The following ITFG1 variants were observed in gnomAD, a reference collection of about 807,000 sequenced individuals.
The protein encoded by ITFG1 is integrin alpha FG-GAP repeat containing 1, also known as T-cell immunomodulatory protein.
In ITFG1, 34 loss-of-function variants were observed where a neutral mutation model predicts 81.8. The observed-to-expected ratio is 0.42, with a 90% confidence interval of 0.32 to 0.55. The LOEUF (loss-of-function observed/expected upper bound fraction) is 0.55. ITFG1 is among the 20% of genes least tolerant of loss of function. The pLI, the probability that ITFG1 is intolerant of heterozygous loss-of-function variation, is 0.17. For synonymous variants in ITFG1, 285 were observed against 270.6 expected (o/e 1.05, Z -0.52); for missense variants, 672 against 755.4 (o/e 0.89, Z 1.29).
intron 13 of ITFG1, 37 bp downstream of exon 13, chr16:47,237,928 T>A (rs1453174117): frequency 1.1e-6 from 1 of 907,668 alleles, no homozygotes; most frequent in Non-Finnish European, 1.7e-6. Flanking sequence ...CATAGAATTT[T>A]CATAGACATA....
intron 6 of ITFG1, among the ~76,000 whole-genome samples, chr16:47,406,561 A>C (rs1400317152): frequency 3.9e-5 from 6 of 152,238 alleles, no homozygotes; most frequent in Non-Finnish European, 8.8e-5. Flanking sequence ...GCTATTCAAC[A>C]GGTATCTGTC....
chr16:47,263,388 A>G, intron 10 of ITFG1: 1 of 476,368 alleles, frequency 2.1e-6, no homozygotes, highest in Non-Finnish European at 4.3e-6. Flanking sequence ...ACCTGCATAG[A>G]TGCCTACTCA....
At chr16:47,183,537 C>T (rs1484676034) in intron 14 of ITFG1, among the ~76,000 whole-genome samples, 4 of 152,204 alleles carry the variant, frequency 2.6e-5, no homozygotes, top group Admixed American at 6.5e-5. Flanking sequence ...ACTGACACCT[C>T]GCACGGCCGG....
chr16:47,380,304 C>T (rs1390366076), intron 6 of ITFG1, among the ~76,000 whole-genome samples: 1 of 152,202 alleles, frequency 6.6e-6, no homozygotes, highest in African/African-American at 2.4e-5. Context: ...AAGTAGCCCA[C>T]TCTTTGCTGT....
At chr16:47,181,231 C>G (rs1174512628) in intron 14 of ITFG1, among the ~76,000 whole-genome samples, 1 of 151,216 alleles carries the variant, frequency 6.6e-6, no homozygotes, top group Non-Finnish European at 1.5e-5. Flanking sequence ...GGCAGCCGCC[C>G]CGTCTGAGAA....
intron 8 of ITFG1, among the ~76,000 whole-genome samples, chr16:47,339,546 G>C (rs919188393): frequency 1.3e-5 from 2 of 152,122 alleles, no homozygotes; most frequent in East Asian, 3.8e-4. Context: ...GAACCAAACA[G>C]ATACTCTGGA....
At chr16:47,223,379 A>C (rs1164375197) in intron 13 of ITFG1, among the ~76,000 whole-genome samples, 1 of 152,244 alleles carries the variant, frequency 6.6e-6, no homozygotes, top group Non-Finnish European at 1.5e-5. Flanking sequence ...GAACTCAAAC[A>C]AATTTACAAG....
At chr16:47,431,832 C>T (rs1170691064) in intron 5 of ITFG1, among the ~76,000 whole-genome samples, 1 of 152,096 alleles carries the variant, frequency 6.6e-6, no homozygotes, top group Admixed American at 6.5e-5. Flanking sequence ...CAGAAGGTAA[C>T]ACTGGTAGTA....
chr16:47,336,100 A>G lies in ITFG1; in HGVS notation c.803-22277T>C, dbSNP rs545183973. On this transcript the variant is annotated intron_variant, in intron 8 of 17. Coordinates refer to ENST00000320640, the MANE Select transcript of ITFG1 (RefSeq NM_030790.5). ...TTAGATGCTAACAAGCCAGAAATAC[A>G]GTATGATTCCATTTACATAAAATGT... Among the ~76,000 whole-genome samples, 3 of 152,380 alleles carry G rather than the reference A, an allele frequency of 2.0e-5. No individual in the cohort carries two copies. In the South Asian group the frequency reaches 6.2e-4, roughly 32 times the overall value.
intron 5 of ITFG1, among the ~76,000 whole-genome samples, chr16:47,440,864 C>A (rs1346189918): frequency 6.6e-6 from 1 of 152,024 alleles, no homozygotes; most frequent in Non-Finnish European, 1.5e-5. Flanking sequence ...GACAGAGACA[C>A]AAAAAACCCT....
At chr16:47,339,112 T>C (rs1276530032) in intron 8 of ITFG1, among the ~76,000 whole-genome samples, 2 of 152,222 alleles carry the variant, frequency 1.3e-5, no homozygotes, top group Non-Finnish European at 2.9e-5. Context: ...CTTCCCTCCA[T>C]GTTGTTGCAA....
At chr16:47,313,856 G>A (rs978325116) in intron 8 of ITFG1, 33 bp from the exon 9 acceptor site, 1 of 1,266,930 alleles carries the variant, frequency 7.9e-7, no homozygotes, top group Non-Finnish European at 1.1e-6. Flanking sequence ...TCCATTAATA[G>A]TCACAAAATA....
chr16:47,336,094 A>G (rs967319868), intron 8 of ITFG1, among the ~76,000 whole-genome samples: 7 of 152,390 alleles, frequency 4.6e-5, no homozygotes, highest in South Asian at 4.1e-4. Flanking sequence ...AACAAGCCAG[A>G]AATACAGTAT....
intron 8 of ITFG1, among the ~76,000 whole-genome samples, chr16:47,341,760 G>C (rs1051393203): frequency 1.3e-5 from 2 of 152,118 alleles, no homozygotes; most frequent in African/African-American, 4.8e-5. Flanking sequence ...GTTGACTTTA[G>C]AGAAATAAAA....
chr16:47,335,117 G>A (rs971529963), intron 8 of ITFG1, among the ~76,000 whole-genome samples: 1 of 152,168 alleles, frequency 6.6e-6, no homozygotes, highest in Non-Finnish European at 1.5e-5. Context: ...AGCACTTTGG[G>A]AGGCCGAGGA....
chr16:47,355,797 A>G lies in ITFG1; in HGVS notation c.802+9991T>C, dbSNP rs567476272. Among the ~76,000 whole-genome samples, 3 of 152,316 alleles carry G rather than the reference A, an allele frequency of 2.0e-5. No homozygotes were observed. The South Asian group carries it at 6.2e-4, about 32-fold the overall frequency. ...GGTTTATTTTTTCTGGAATCCATAA[A>G]CATATATTCTAGAATTATAGATATA... On this transcript the variant is annotated intron_variant, in intron 8 of 17. Transcript: ENST00000320640.
At chr16:47,372,257 AAT>A (rs1188684387) in intron 7 of ITFG1, among the ~76,000 whole-genome samples, 2 of 151,622 alleles carry the variant, frequency 1.3e-5, no homozygotes. Context: ...AAAAATTTTT[AAT>A]ATAGAGATGA....
intron 13 of ITFG1, among the ~76,000 whole-genome samples, chr16:47,232,036 G>A (rs745393344): frequency 2.6e-5 from 4 of 152,216 alleles, no homozygotes; most frequent in African/African-American, 7.2e-5. Context: ...AGGGCCATGA[G>A]CCAAGGAAGA....
intron 10 of ITFG1, among the ~76,000 whole-genome samples, chr16:47,285,747 G>C (rs1966867190): frequency 6.6e-6 from 1 of 152,142 alleles, no homozygotes; most frequent in Admixed American, 6.5e-5. Context: ...TAGGCAGAGA[G>C]AGTTTTTCCT....
Sources: gnomAD v4.1 joint callset for allele counts (sites outside exome capture counted in the v4.1 genomes callset) on GRCh38, gnomAD v4.1.1 for gene constraint, MANE v1.5 for transcripts, NCBI Gene and HGNC (gene_info 2026-07-23, HGNC 2026-07-21) for gene names.